Variants in VAV2 observed in about 807,000 individuals in gnomAD.
VAV2 encodes vav guanine nucleotide exchange factor 2.
VAV2 carries 67 observed loss-of-function variants against 132.5 expected under a neutral mutation model. The ratio of observed to expected loss-of-function variants is 0.51; its 90% confidence interval spans 0.42 to 0.62. The LOEUF is 0.62. Among genes scored for constraint, VAV2 ranks in the 20% least tolerant of loss-of-function variants. The pLI, the probability that VAV2 is intolerant of heterozygous loss-of-function variation, is 0.00. For synonymous variants in VAV2, 492 were observed against 443.5 expected, an observed-to-expected ratio of 1.11 and a Z score of -1.37; for missense variants, 938 against 1,153.6, an observed-to-expected ratio of 0.81 and a Z score of 2.71.
chr9:133,898,948 A>G (rs1244793867), intron 2 of VAV2, among the ~76,000 whole-genome samples: 3 of 148,918 alleles, frequency 2.0e-5, no homozygotes, highest in Non-Finnish European at 4.4e-5. Context: ...CAGCCTCCCC[A>G]ATAGCTGGGA....
intron 2 of VAV2, among the ~76,000 whole-genome samples, chr9:133,893,238 G>A (rs1839051599): frequency 6.6e-6 from 1 of 152,226 alleles, no homozygotes; most frequent in South Asian, 2.1e-4. Context: ...TCAGGCTGTG[G>A]AGGGGTCACA....
intron 2 of VAV2, among the ~76,000 whole-genome samples, chr9:133,880,519 A>T (rs1378303505): frequency 6.6e-6 from 1 of 152,184 alleles, no homozygotes; most frequent in Non-Finnish European, 1.5e-5. Flanking sequence ...GGAATCTTGT[A>T]TATGAAGAAG....
chr9:133,930,546 G>C (rs1840648293), intron 2 of VAV2, among the ~76,000 whole-genome samples: 1 of 152,266 alleles, frequency 6.6e-6, no homozygotes, highest in African/African-American at 2.4e-5. Flanking sequence ...TGCAACAGCT[G>C]CCTTGCTAGT....
At chr9:133,836,117 C>A (rs1564392793) in intron 3 of VAV2, among the ~76,000 whole-genome samples, 7 of 152,204 alleles carry the variant, frequency 4.6e-5, no homozygotes, top group Admixed American at 2.0e-4. Flanking sequence ...CTCAAGGAAT[C>A]CATCTCCTCC....
chr9:133,982,376 C>G (rs925388036), intron 1 of VAV2, among the ~76,000 whole-genome samples: 6 of 151,978 alleles, frequency 3.9e-5, no homozygotes, highest in African/African-American at 1.5e-4. Flanking sequence ...AAGAGGGGCA[C>G]CTGGGACGGG....
chr9:133,982,341 C>G (rs1842722635), intron 1 of VAV2, among the ~76,000 whole-genome samples: 1 of 152,186 alleles, frequency 6.6e-6, no homozygotes, highest in South Asian at 2.1e-4. Flanking sequence ...TGGCCGCAGA[C>G]TAGGCTTGTG....
Position 133,763,868 on chromosome 9 carries a change from G to T in VAV2, c.*194C>A. ...CTCTATGTACAATAGCATACCCAGT[G>T]ATGGGTCGCCGAGGGCAGGCTGACA... is the stretch of plus-strand genomic sequence containing the variant. On this transcript the variant is annotated 3_prime_UTR_variant, in exon 30 of 30. Transcript: ENST00000371850. The surrounding 1 kb of genome is among the most constrained non-coding windows in gnomAD (Gnocchi z 6.8). 1 of 658,406 alleles carries T rather than the reference G, an allele frequency of 1.5e-6. No individual in the cohort carries two copies. 40.8% of individuals were successfully genotyped at this position (658,406 alleles called of 1,614,324 possible).
chr9:133,943,248 G>A (rs1053951930), intron 1 of VAV2, among the ~76,000 whole-genome samples: 7 of 152,322 alleles, frequency 4.6e-5, no homozygotes, highest in African/African-American at 1.7e-4. Flanking sequence ...CAAGGTCCAG[G>A]TTCTAGACAG....
At chr9:133,929,143 C>T (rs1840585647) in intron 2 of VAV2, among the ~76,000 whole-genome samples, 1 of 152,198 alleles carries the variant, frequency 6.6e-6, no homozygotes, top group African/African-American at 2.4e-5. Context: ...AAACTGGGTC[C>T]TGATGACGGC....
At chr9:133,874,901 G>C (rs1838202510) in intron 2 of VAV2, among the ~76,000 whole-genome samples, 1 of 152,158 alleles carries the variant, frequency 6.6e-6, no homozygotes, top group Non-Finnish European at 1.5e-5. Flanking sequence ...TGCATGGTCC[G>C]AGCTGCAAGA....
chr9:133,886,686 C>A (rs1384045708), intron 2 of VAV2, among the ~76,000 whole-genome samples: 1 of 152,218 alleles, frequency 6.6e-6, no homozygotes, highest in Non-Finnish European at 1.5e-5. Flanking sequence ...GGCACCTGCA[C>A]ACATTACACA....
chr9:133,888,194 C>T (rs1002041262), intron 2 of VAV2, among the ~76,000 whole-genome samples: 1 of 152,186 alleles, frequency 6.6e-6, no homozygotes, highest in African/African-American at 2.4e-5. Context: ...AGTGGGGAGC[C>T]AGGGGCCAGG....
chr9:133,877,412 T>C (rs1030770550), intron 2 of VAV2, among the ~76,000 whole-genome samples: 1 of 152,128 alleles, frequency 6.6e-6, no homozygotes, highest in Non-Finnish European at 1.5e-5. Flanking sequence ...GCCAGGAACC[T>C]TCTTGGAAGA....
rs563094826 is a variant in VAV2 at position 133,898,758 on chromosome 9, T to C, written c.322-37326A>G. ...CTGGTGCTGTGGCTCTCCTGGCAGGTTCCCCTGGTCAGAGCCACCACAGGC... is the reference window on the plus strand; with the variant it reads ...CTGGTGCTGTGGCTCTCCTGGCAGGCTCCCCTGGTCAGAGCCACCACAGGC... On this transcript the variant is annotated intron_variant, in intron 2 of 29. Transcript: ENST00000371850. Among the ~76,000 whole-genome samples the C allele has an allele frequency of 2.0e-5, 3 of 151,190 alleles. No homozygotes were observed. The South Asian group carries it at 6.3e-4, about 32-fold the overall frequency.
In VAV2 at chr9:133,846,171, A is replaced by G. The variant is rs909040637; in HGVS notation, c.381-11831T>C. Among the ~76,000 whole-genome samples the G allele has an allele frequency of 3.9e-5, 6 of 152,324 alleles. No individual in the cohort carries two copies. In the South Asian group the frequency reaches 1.2e-3, roughly 32 times the overall value. ...CCCAGAGAGGTGAAGAAAGCTGCCCAAGGAGGCCAGCCAGAAAGTGGCAGA... is the reference window on the plus strand; with the variant it reads ...CCCAGAGAGGTGAAGAAAGCTGCCCGAGGAGGCCAGCCAGAAAGTGGCAGA... On this transcript the variant is annotated intron_variant, in intron 3 of 29. Transcript: ENST00000371850.
chr9:133,778,177 C>T (rs1026620439), intron 22 of VAV2, among the ~76,000 whole-genome samples: 5 of 81,338 alleles, frequency 6.1e-5, no homozygotes, highest in Admixed American at 1.2e-4. Context: ...TGGGGATGAA[C>T]GCCCACAAAG....
intron 4 of VAV2, among the ~76,000 whole-genome samples, chr9:133,814,851 G>T (rs1835496821): frequency 6.6e-6 from 1 of 152,206 alleles, no homozygotes; most frequent in Non-Finnish European, 1.5e-5. Context: ...GTGCAGATGG[G>T]AAAGCCCAGC....
chr9:133,841,606 C>G (rs1385960266), intron 3 of VAV2, among the ~76,000 whole-genome samples: 5 of 152,194 alleles, frequency 3.3e-5, no homozygotes, highest in Non-Finnish European at 5.9e-5. Context: ...TCCCCAAACA[C>G]CCAGAGATAA....
At position 133,979,379 on chromosome 9, in the gene VAV2, C is replaced by T. The variant is rs544674922; in HGVS notation, c.204+12696G>A. 3.9e-4 allele frequency among the ~76,000 whole-genome samples: 59 copies of T among 152,262 alleles called. 1 individual carries two copies. The highest frequency in any genetic ancestry group is 8.1e-4 in the Non-Finnish European group (55 of 68,020). On this transcript the variant is annotated intron_variant, in intron 1 of 29. Coordinates refer to ENST00000371850, the MANE Select transcript of VAV2 (RefSeq NM_001134398.2). ...CTCAACGCTGTGTGTGCGGTCTCCA[C>T]CCTAGGAATGTGTCGGCCGCTCAGT...
Sources: gnomAD v4.1 joint callset for allele counts (sites outside exome capture counted in the v4.1 genomes callset) on GRCh38, gnomAD v4.1.1 for gene constraint, Gnocchi (gnomAD v3.1) non-coding constraint, MANE v1.5 for transcripts, NCBI Gene and HGNC (gene_info 2026-07-23, HGNC 2026-07-21) for gene names.